ARHGAP15: variants seen among roughly 807,000 people sequenced by gnomAD.
ARHGAP15 encodes rho GTPase-activating protein 15.
Under a neutral mutation model 63.7 loss-of-function variants are expected in ARHGAP15, and 51 were observed. The ratio of observed to expected loss-of-function variants is 0.80; its 90% CI spans 0.64 to 1.01. The LOEUF (loss-of-function observed/expected upper bound fraction) is 1.01, where lower values mean the gene tolerates loss of function less well. Ranked by LOEUF, ARHGAP15 falls within the 50% of genes least tolerant of loss-of-function variation. The pLI is 0.00. For missense variants in ARHGAP15, 560 were observed against 564.6 expected, an observed-to-expected ratio of 0.99 and a Z score of 0.08; for synonymous variants, 191 against 193.8, an observed-to-expected ratio of 0.99 and a Z score of 0.12.
chr2:143,145,074 T>C (rs1276668122), intron 1 of ARHGAP15, among the ~76,000 whole-genome samples: 2 of 152,070 alleles, frequency 1.3e-5, no homozygotes, highest in African/African-American at 4.8e-5. Flanking sequence ...GCTCCACACA[T>C]TGACCATTGA....
At chr2:143,478,429 G>T (rs551578029) in intron 8 of ARHGAP15, among the ~76,000 whole-genome samples, 72 of 152,300 alleles carry the variant, frequency 4.7e-4, no homozygotes, top group South Asian at 1.2e-3. Context: ...GTGAGGCAAG[G>T]GGGTGGGGGA....
intron 11 of ARHGAP15, among the ~76,000 whole-genome samples, chr2:143,589,527 C>T (rs1220844643): frequency 6.6e-6 from 1 of 152,158 alleles, no homozygotes; most frequent in Non-Finnish European, 1.5e-5. Context: ...TACTCAAAGG[C>T]CCCATCTAGT....
chr2:143,684,619 T>G (rs1683245395), intron 12 of ARHGAP15, among the ~76,000 whole-genome samples: 1 of 152,130 alleles, frequency 6.6e-6, no homozygotes, highest in Admixed American at 6.6e-5. Context: ...GAATGGAAGA[T>G]CAAAAAACCC....
intron 2 of ARHGAP15, among the ~76,000 whole-genome samples, chr2:143,160,550 C>A (rs1275411742): frequency 6.6e-6 from 1 of 151,836 alleles, no homozygotes; most frequent in Non-Finnish European, 1.5e-5. Flanking sequence ...GTGCTGCTTT[C>A]AAGACAGTGC....
At chr2:143,718,434 T>A (rs1684905469) in intron 13 of ARHGAP15, among the ~76,000 whole-genome samples, 1 of 152,230 alleles carries the variant, frequency 6.6e-6, no homozygotes. Flanking sequence ...TTTTTGAGCC[T>A]ATTATGTTTC....
intron 11 of ARHGAP15, chr2:143,571,855 T>G (rs1322728003): frequency 6.6e-6 from 1 of 152,160 alleles, no homozygotes; most frequent in Non-Finnish European, 1.5e-5. Context: ...GGCTGGAGTA[T>G]GTATGCGTAT....
At chr2:143,751,838 T>A (rs987337593) in intron 13 of ARHGAP15, among the ~76,000 whole-genome samples, 1 of 152,164 alleles carries the variant, frequency 6.6e-6, no homozygotes, top group Admixed American at 6.5e-5. Context: ...CCCCCTGGTG[T>A]AACAGCAACC....
rs1333830478 is a variant in ARHGAP15 at position 143,417,651 on chromosome 2, C to G, written c.475-17950C>G. ...GGACTGAGCTTGTGAATGACGGGCA[C>G]AGATATGACCAAAGTGGTATCTGCC... On this transcript the variant is annotated intron_variant, in intron 6 of 13. Transcript: ENST00000295095. Among the ~76,000 whole-genome samples the G allele has an allele frequency of 3.3e-5, 5 of 152,122 alleles. No homozygotes were observed. The South Asian group carries it at 1.0e-3, about 32-fold the overall frequency.
At chr2:143,501,821 A>G (rs1693078177) in intron 9 of ARHGAP15, among the ~76,000 whole-genome samples, 1 of 152,218 alleles carries the variant, frequency 6.6e-6, no homozygotes, top group Non-Finnish European at 1.5e-5. Context: ...CAGTATAGGA[A>G]TATAAATATT....
intron 8 of ARHGAP15, among the ~76,000 whole-genome samples, chr2:143,465,748 C>T (rs183364870): frequency 2.0e-5 from 3 of 151,602 alleles, no homozygotes; most frequent in Admixed American, 2.0e-4. Context: ...TTTGACATGT[C>T]GGCCAATAAA....
At chr2:143,427,371 C>G (rs10204676) in intron 6 of ARHGAP15, among the ~76,000 whole-genome samples, 1 of 152,236 alleles carries the variant, frequency 6.6e-6, no homozygotes. Flanking sequence ...TTAATATTAA[C>G]AGTGTTCTTG....
intron 8 of ARHGAP15, among the ~76,000 whole-genome samples, chr2:143,474,127 A>C (rs1424520613): frequency 6.6e-6 from 1 of 152,066 alleles, no homozygotes; most frequent in African/African-American, 2.4e-5. Flanking sequence ...TGACATCTGC[A>C]TCTGTAGGGG....
At chr2:143,378,867 T>A (rs1686927570) in intron 6 of ARHGAP15, among the ~76,000 whole-genome samples, 2 of 152,106 alleles carry the variant, frequency 1.3e-5, no homozygotes, top group South Asian at 4.1e-4. Context: ...GTGCAGTAGA[T>A]AAATATTACA....
In ARHGAP15 at chr2:143,476,603, AT is replaced by A. The variant is rs1457851682; in HGVS notation, c.704-10769del. Among the ~76,000 whole-genome samples, 4 of 152,316 alleles carry A rather than the reference AT, an allele frequency of 2.6e-5. No individual in the cohort carries two copies. The East Asian group carries it at 7.7e-4, about 29-fold the overall frequency. ...TTCCCACAACTTAAACATATACACA[AT>A]ACTTAAAATAGTTTCTTTCAGGAGT... On this transcript the variant is annotated intron_variant, in intron 8 of 13. Transcript: ENST00000295095.
chr2:143,353,885 G>A (rs16822385), intron 6 of ARHGAP15, among the ~76,000 whole-genome samples: 2,565 of 152,132 alleles, frequency 0.017, 75 homozygotes, highest in African/African-American at 0.058. Context: ...AAAATGCTAC[G>A]GTAACAAATT....
intron 7 of ARHGAP15, among the ~76,000 whole-genome samples, chr2:143,436,424 A>G (rs558706069): frequency 1.3e-5 from 2 of 152,312 alleles, no homozygotes; most frequent in East Asian, 3.9e-4. Flanking sequence ...AAAAAGTAAA[A>G]TAACAAATTT....
At chr2:143,376,440 C>T (rs1352499614) in intron 6 of ARHGAP15, among the ~76,000 whole-genome samples, 1 of 152,134 alleles carries the variant, frequency 6.6e-6, no homozygotes, top group Admixed American at 6.6e-5. Flanking sequence ...GTCTGGCTTG[C>T]GTAAGGTTGG....
At chr2:143,152,922 C>A (rs1324847644) in intron 1 of ARHGAP15, among the ~76,000 whole-genome samples, 1 of 151,866 alleles carries the variant, frequency 6.6e-6, no homozygotes. Context: ...AGAGAGAGAT[C>A]CGCCTGATGG....
chr2:143,685,460 G>A (rs1683291977), intron 12 of ARHGAP15, among the ~76,000 whole-genome samples: 1 of 152,138 alleles, frequency 6.6e-6, no homozygotes, highest in Non-Finnish European at 1.5e-5. Context: ...GTTCCATTGG[G>A]AATTACCTAT....
Sources: gnomAD v4.1 joint callset for allele counts (sites outside exome capture counted in the v4.1 genomes callset) on GRCh38, gnomAD v4.1.1 for gene constraint, MANE v1.5 for transcripts, NCBI Gene and HGNC (gene_info 2026-07-23, HGNC 2026-07-21) for gene names.